The following SLC22A23 variants were observed in gnomAD, a reference collection of about 807,000 sequenced individuals.
The protein encoded by SLC22A23 is solute carrier family 22 member 23, also known as ion transporter protein.
In SLC22A23, 26 loss-of-function variants were observed where a neutral mutation model predicts 61.0. The ratio of observed to expected loss-of-function variants is 0.43; its 90% CI spans 0.31 to 0.59. SLC22A23 has a LOEUF of 0.59. Ranked by LOEUF, SLC22A23 falls within the 20% of genes least tolerant of loss-of-function variation. SLC22A23 has a pLI of 0.11. For synonymous variants in SLC22A23, 430 were observed against 413.9 expected (o/e 1.04, Z -0.47); for missense variants, 796 against 934.7 (o/e 0.85, Z 1.94).
intron 3 of SLC22A23, among the ~76,000 whole-genome samples, chr6:3,363,260 C>T (rs1003163875): frequency 6.6e-6 from 1 of 152,194 alleles, no homozygotes; most frequent in African/African-American, 2.4e-5. Flanking sequence ...CCATCCTCAC[C>T]AGGCGCAGCA....
chr6:3,314,645 T>C (rs565195684), intron 4 of SLC22A23, among the ~76,000 whole-genome samples: 29 of 152,294 alleles, frequency 1.9e-4, no homozygotes, highest in African/African-American at 5.1e-4. Context: ...TTAGGGCTAT[T>C]TACATATTGG....
intron 4 of SLC22A23, among the ~76,000 whole-genome samples, chr6:3,311,073 G>A (rs1044378387): frequency 6.6e-6 from 1 of 152,212 alleles, no homozygotes; most frequent in Non-Finnish European, 1.5e-5. Flanking sequence ...TGCTGTGGAC[G>A]GGCTGGCCTG....
intron 1 of SLC22A23, chr6:3,432,152 G>T: frequency 1.0e-6 from 1 of 954,362 alleles, no homozygotes; most frequent in Non-Finnish European, 1.2e-6. Flanking sequence ...TGTAGAGGCG[G>T]TAGTGCTAGG....
In SLC22A23 at chr6:3,318,683, T is replaced by C. The variant is rs1373375917; in HGVS notation, c.1082+5151A>G. Among the ~76,000 whole-genome samples, 1 of 152,156 alleles carries C rather than the reference T, an allele frequency of 6.6e-6. No homozygotes were observed. The highest frequency in any genetic ancestry group is 2.4e-5 in the African/African-American group (1 of 41,416). On this transcript the variant is annotated intron_variant, in intron 4 of 9. Transcript: ENST00000406686. The surrounding 1 kb of genome is among the most constrained non-coding windows in gnomAD (Gnocchi z 4.3). ...GTCTCCTGGCCTGCTGACCTCACTA[T>C]ACCTGGATAATAATAAAACCCACAT...
chr6:3,444,938 C>G lies in SLC22A23; in HGVS notation c.654+10968G>C, dbSNP rs193239409. The G allele has an allele frequency of 5.1e-6, 5 of 985,384 alleles. No homozygotes were observed. In the African/African-American group the frequency reaches 8.7e-5, roughly 17 times the overall value. 61.0% of individuals were successfully genotyped at this position (985,384 alleles called of 1,614,324 possible). A position where few individuals can be genotyped will look rare whatever the true frequency, so the allele number is the denominator to read the frequency against. On this transcript the variant is annotated intron_variant, in intron 1 of 9. Transcript: ENST00000406686. ...CTCCCCCCTCAAAGTGCTTCTCAGA[C>G]GACTCATCCCGGTCGTCCTCACCCC...
intron 3 of SLC22A23, among the ~76,000 whole-genome samples, chr6:3,394,886 G>A (rs1767906722): frequency 6.6e-6 from 1 of 152,234 alleles, no homozygotes; most frequent in Non-Finnish European, 1.5e-5. Context: ...TCAGATGCTG[G>A]AGAAAGCAGC....
chr6:3,308,147 T>C lies in SLC22A23; in HGVS notation c.1083-9929A>G, dbSNP rs980837470. Among the ~76,000 whole-genome samples the C allele has an allele frequency of 4.6e-5, 7 of 152,140 alleles. No homozygotes were observed. Among genetic ancestry groups the C allele is most frequent in the African/African-American group, 1.7e-4 (7 of 41,412 alleles). On this transcript the variant is annotated intron_variant, in intron 4 of 9. Transcript: ENST00000406686. This position sits in a 1 kb window ranked among gnomAD's most constrained non-coding sequence, Gnocchi z 5.1. ...TCGCGTTGTGGATGTGGTCACTGAG[T>C]TGTACAATTTAAAATGGTTACAGTG...
Position 3,433,715 on chromosome 6 carries a change from G to A in SLC22A23, c.655-17860C>T, listed in dbSNP as rs188883945. On this transcript the variant is annotated intron_variant, in intron 1 of 9. Coordinates refer to ENST00000406686, the MANE Select transcript of SLC22A23 (RefSeq NM_015482.2). ...TTGTCTACCCATGCAGTGGAATATG[G>A]CTCAGCAACAAACAGGAACAACTAT... Among the ~76,000 whole-genome samples the A allele has an allele frequency of 7.2e-5, 11 of 152,254 alleles. No individual in the cohort carries two copies. In the East Asian group the frequency reaches 1.9e-3, roughly 27 times the overall value.
chr6:3,456,547 G>T lies in SLC22A23; in HGVS notation c.13C>A (p.Arg5=). 2.0e-6 allele frequency: 2 copies of T among 985,144 alleles called. No individual in the cohort carries two copies. Among genetic ancestry groups the T allele is most frequent in the Non-Finnish European group, 2.4e-6 (2 of 831,462 alleles). 61.0% of individuals were successfully genotyped at this position (985,144 alleles called of 1,614,324 possible). ...CCGCCGCCCGCCGCCTCGCGCCGCC[G>T]GTCTATGGCCATGGCCCGGGCCCGC... MAID[R]RREAAGGGPG... Residue 5 remains arginine (R), a synonymous_variant, in exon 1 of 10, where the codon CGG becomes AGG. Transcript: ENST00000406686. The surrounding 1 kb of genome is among the most constrained non-coding windows in gnomAD (Gnocchi z 7.1).
chr6:3,297,593 C>T lies in SLC22A23; in HGVS notation c.1210+498G>A, dbSNP rs548945118. ...CCTAGCTGTGGTAACGCTCCTGACA[C>T]GCAGGAATTCTATGGATCTGAACGA... On this transcript the variant is annotated intron_variant, in intron 5 of 9. Coordinates refer to ENST00000406686, the MANE Select transcript of SLC22A23 (RefSeq NM_015482.2). The surrounding 1 kb of genome is among the most constrained non-coding windows in gnomAD (Gnocchi z 4.3). Among the ~76,000 whole-genome samples, 23 of 152,306 alleles carry T rather than the reference C, an allele frequency of 1.5e-4. No homozygotes were observed. Among genetic ancestry groups the T allele is most frequent in the African/African-American group, 5.3e-4 (22 of 41,568 alleles).
chr6:3,373,155 C>A (rs1016328305), intron 3 of SLC22A23, among the ~76,000 whole-genome samples: 7 of 152,216 alleles, frequency 4.6e-5, no homozygotes, highest in African/African-American at 1.7e-4. Context: ...TGGCATGCAC[C>A]AGGCAGCCTG....
In SLC22A23 at chr6:3,306,796, G is replaced by A. The variant is rs544177367; in HGVS notation, c.1083-8578C>T. Among the ~76,000 whole-genome samples, 157 of 152,318 alleles carry A rather than the reference G, an allele frequency of 1.0e-3. 3 individuals are homozygous for A. In the South Asian group the frequency reaches 0.025, roughly 24 times the overall value. ...AGCCCTGCTGGATACAGAGTGGAGA[G>A]TATTTTTCTCTTTGCTTCTAAAGAG... On this transcript the variant is annotated intron_variant, in intron 4 of 9. Transcript: ENST00000406686.
At position 3,324,074 on chromosome 6, in the gene SLC22A23, G is replaced by A; in HGVS notation, c.914-72C>T. ...GCCCGAGAAGTCCTGGGTGCACCTG[G>A]GCCAGTGCACTGCTTAACCCACCAA... On this transcript the variant is annotated intron_variant, in intron 3 of 9. Transcript: ENST00000406686. This position sits in a 1 kb window ranked among gnomAD's most constrained non-coding sequence, Gnocchi z 4.3. The A allele has an allele frequency of 6.4e-7, 1 of 1,556,650 alleles. No homozygotes were observed. The highest frequency in any genetic ancestry group is 8.8e-7 in the Non-Finnish European group (1 of 1,138,376).
chr6:3,388,241 G>A (rs1767435390), intron 3 of SLC22A23, among the ~76,000 whole-genome samples: 1 of 152,214 alleles, frequency 6.6e-6, no homozygotes, highest in African/African-American at 2.4e-5. Context: ...GAAAGTGCTG[G>A]TGTCACAGAG....
At chr6:3,315,905 A>G (rs1300380245) in intron 4 of SLC22A23, among the ~76,000 whole-genome samples, 3 of 152,152 alleles carry the variant, frequency 2.0e-5, no homozygotes, top group African/African-American at 7.2e-5. Context: ...GTGTGTGTCC[A>G]ATGCAGCTGA....
intron 4 of SLC22A23, 136 bp downstream of exon 4, chr6:3,323,698 G>C (rs1180004480): frequency 3.9e-6 from 4 of 1,033,168 alleles, no homozygotes; most frequent in Non-Finnish European, 5.5e-6. Context: ...TTTAAAAAGA[G>C]AGGAAAACCT....
intron 1 of SLC22A23, among the ~76,000 whole-genome samples, chr6:3,435,030 G>A (rs781751780): frequency 5.3e-5 from 8 of 152,120 alleles, no homozygotes; most frequent in African/African-American, 1.7e-4. Flanking sequence ...AAACCTGGGC[G>A]GAGAACCCAG....
intron 3 of SLC22A23, among the ~76,000 whole-genome samples, chr6:3,344,565 G>A (rs1764317741): frequency 6.6e-6 from 1 of 152,114 alleles, no homozygotes; most frequent in Non-Finnish European, 1.5e-5. Context: ...AAATTTTCTG[G>A]GAAACTAAAA....
At chr6:3,340,892 C>G (rs1280292662) in intron 3 of SLC22A23, among the ~76,000 whole-genome samples, 1 of 152,196 alleles carries the variant, frequency 6.6e-6, no homozygotes, top group Admixed American at 6.5e-5. Context: ...GGACTCATGT[C>G]TTCAAGCTTA....
Sources: gnomAD v4.1 joint callset for allele counts (sites outside exome capture counted in the v4.1 genomes callset) on GRCh38, gnomAD v4.1.1 for gene constraint, Gnocchi (gnomAD v3.1) non-coding constraint, MANE v1.5 for transcripts, NCBI Gene and HGNC (gene_info 2026-07-23, HGNC 2026-07-21) for gene names.